The following C7 variants were observed in gnomAD, a reference collection of about 807,000 sequenced individuals.
C7 encodes the protein complement C7, also known as complement component C7.
Under a neutral mutation model 104.8 loss-of-function variants are expected in C7, and 83 were observed. That is an observed-to-expected ratio of 0.79 (90% CI 0.66 to 0.95). The LOEUF is 0.95. C7 is among the 40% of genes least tolerant of loss of function. The probability of loss-of-function intolerance (pLI) is 0.00; values close to 1 mark genes in which losing one functional copy is unlikely to be tolerated. For synonymous variants in C7, 415 were observed against 360.6 expected (o/e 1.15, Z -1.71); for missense variants, 1,070 against 1,011.2 (o/e 1.06, Z -0.79).
At chr5:40,917,141 A>G (rs574005651) in intron 1 of C7, among the ~76,000 whole-genome samples, 1 of 151,878 alleles carries the variant, frequency 6.6e-6, no homozygotes, top group Non-Finnish European at 1.5e-5. Flanking sequence ...TCTCAAAAAA[A>G]AAAAAAAGAA....
rs1240185830 is a variant in C7 at position 40,968,568 on chromosome 5, TTATATATATATA to T, written c.1882+3717_1882+3728del. Among the ~76,000 whole-genome samples, 130 of 63,672 alleles carry T rather than the reference TTATATATATATA, an allele frequency of 2.0e-3. 1 individual carries two copies. The highest frequency in any genetic ancestry group is 4.5e-3 in the African/African-American group (88 of 19,588). 41.8% of individuals were successfully genotyped at this position (63,672 alleles called of 152,430 possible). A position where few individuals can be genotyped will look rare whatever the true frequency, so the allele number is the denominator to read the frequency against. On this transcript the variant is annotated intron_variant, in intron 14 of 17. Transcript: ENST00000313164. ...TCAACTTAAAACAATTATATATATT[TTATATATATATA>T]TATATATATATATATATATATTTTT... is the stretch of plus-strand genomic sequence containing the variant.
intron 1 of C7, among the ~76,000 whole-genome samples, chr5:40,911,453 C>A (rs1329036694): frequency 2.0e-5 from 3 of 152,210 alleles, no homozygotes; most frequent in Non-Finnish European, 4.4e-5. Flanking sequence ...GGACAAGGGA[C>A]TTCCCTCGGA....
chr5:40,974,977 T>TATG (rs1332972221), intron 15 of C7, among the ~76,000 whole-genome samples: 1 of 152,156 alleles, frequency 6.6e-6, no homozygotes, highest in East Asian at 1.9e-4. Context: ...AGCATCCTCC[T>TATG]ATGTCAATAA....
At chr5:40,928,963 A>G (rs1206049339) in intron 2 of C7, among the ~76,000 whole-genome samples, 1 of 152,194 alleles carries the variant, frequency 6.6e-6, no homozygotes, top group Non-Finnish European at 1.5e-5. Context: ...TGATCTTTAA[A>G]TGTAATCCTT....
At position 40,942,638 on chromosome 5, in the gene C7, G is replaced by A. The variant is rs115541572; in HGVS notation, c.568-2560G>A. On this transcript the variant is annotated intron_variant, in intron 6 of 17. Transcript: ENST00000313164. ...AGAATTTAAAAATAGGTACTGTAGA[G>A]AATGGGAGGAGGGAACTGACTAGAG... Among the ~76,000 whole-genome samples the A allele has an allele frequency of 9.6e-3, 1,459 of 152,202 alleles. 24 individuals carry two copies. The highest frequency in any genetic ancestry group is 0.034 in the African/African-American group (1,408 of 41,526).
At chr5:40,966,310 T>C (rs551819441) in intron 14 of C7, among the ~76,000 whole-genome samples, 1 of 152,110 alleles carries the variant, frequency 6.6e-6, no homozygotes, top group Non-Finnish European at 1.5e-5. Flanking sequence ...ATCAGTCTTA[T>C]GCCTTTGCAT....
At chr5:40,954,887 A>AAAAAAAG in intron 9 of C7, 3 of 291,694 alleles carry the variant, frequency 1.0e-5, no homozygotes, top group Non-Finnish European at 2.0e-5. Context: ...CAAAAAAAAA[A>AAAAAAAG]AAAAAAAAAA....
intron 7 of C7, among the ~76,000 whole-genome samples, chr5:40,945,829 A>G (rs1347306004): frequency 6.7e-6 from 1 of 149,024 alleles, no homozygotes; most frequent in African/African-American, 2.4e-5. Flanking sequence ...ATGTCACTGC[A>G]CTTCAGCCTG....
chr5:40,930,594 C>T (rs1002484695), intron 2 of C7, among the ~76,000 whole-genome samples: 16 of 151,718 alleles, frequency 1.1e-4, no homozygotes, highest in Admixed American at 1.1e-3. Flanking sequence ...ATGGAGACTC[C>T]CTCTGTTGCC....
chr5:40,965,944 A>G (rs1740542140), intron 14 of C7, among the ~76,000 whole-genome samples: 1 of 151,704 alleles, frequency 6.6e-6, no homozygotes, highest in Non-Finnish European at 1.5e-5. Context: ...TGCCCAGCCT[A>G]TTTTTATATT....
chr5:40,965,648 A>ATATTT (rs35802990), intron 14 of C7, among the ~76,000 whole-genome samples: 16,651 of 129,806 alleles, frequency 0.13, 1,358 homozygotes, highest in Non-Finnish European at 0.18. Context: ...ATATATATAT[A>ATATTT]TTTTTTTTTT....
At chr5:40,920,009 T>A (rs891500589) in intron 1 of C7, among the ~76,000 whole-genome samples, 1 of 151,782 alleles carries the variant, frequency 6.6e-6, no homozygotes, top group African/African-American at 2.4e-5. Context: ...ATAAATGAAA[T>A]AGAGACTAGA....
intron 4 of C7, among the ~76,000 whole-genome samples, chr5:40,935,448 C>G (rs1739792226): frequency 6.6e-6 from 1 of 152,236 alleles, no homozygotes; most frequent in South Asian, 2.1e-4. Flanking sequence ...AGCTGTGCAC[C>G]AAACATCCTA....
At chr5:40,974,349 C>G (rs923241414) in intron 15 of C7, among the ~76,000 whole-genome samples, 2 of 148,728 alleles carry the variant, frequency 1.3e-5, no homozygotes, top group African/African-American at 4.9e-5. Context: ...CTATGTTCTT[C>G]TTAAATGCAA....
chr5:40,921,565 A>G (rs1667741660), intron 1 of C7, among the ~76,000 whole-genome samples: 1 of 151,630 alleles, frequency 6.6e-6, no homozygotes, highest in Admixed American at 6.6e-5. Context: ...ACAAAGCTAC[A>G]ACAAAAGTAG....
intron 1 of C7, among the ~76,000 whole-genome samples, chr5:40,918,650 C>G (rs565147916): frequency 6.7e-6 from 1 of 149,894 alleles, no homozygotes; most frequent in Non-Finnish European, 1.5e-5. Flanking sequence ...GATAACTATA[C>G]TTATATAAGA....
In C7 at chr5:40,979,709, T is replaced by G. The variant is rs754331123; in HGVS notation, c.2166-16T>G. On this transcript the variant is annotated splice_polypyrimidine_tract_variant and intron_variant, in intron 16 of 17. Coordinates refer to ENST00000313164, the MANE Select transcript of C7 (RefSeq NM_000587.4). Reference sequence around the variant, plus strand: ...ACAAAAATCTTGTAAATAATGTCATTAAAAATTCTTTTCAGACCTTCCTTG... The same window carrying G: ...ACAAAAATCTTGTAAATAATGTCATGAAAAATTCTTTTCAGACCTTCCTTG... The G allele has an allele frequency of 6.3e-7, 1 of 1,598,494 alleles. No individual in the cohort carries two copies. Among genetic ancestry groups the G allele is most frequent in the Non-Finnish European group, 8.5e-7 (1 of 1,170,596 alleles).
intron 14 of C7, among the ~76,000 whole-genome samples, chr5:40,968,136 T>C (rs923663959): frequency 2.0e-5 from 3 of 152,162 alleles, no homozygotes; most frequent in Non-Finnish European, 4.4e-5. Flanking sequence ...TCTTTTTCTT[T>C]TTCTTTTTTT....
chr5:40,928,233 G>A (rs531413498), intron 1 of C7, among the ~76,000 whole-genome samples: 2 of 152,244 alleles, frequency 1.3e-5, no homozygotes, highest in African/African-American at 4.8e-5. Flanking sequence ...GTAGAATGGT[G>A]GTTACAGAGA....
Sources: allele counts gnomAD v4.1 joint callset (sites outside exome capture counted in the v4.1 genomes callset), GRCh38; gene constraint gnomAD v4.1.1; transcripts MANE v1.5; gene names NCBI Gene and HGNC (gene_info 2026-07-23, HGNC 2026-07-21).